Variants in XKR6 observed in about 807,000 individuals in gnomAD.
XKR6 encodes XK-related protein 6.
Under a neutral mutation model 56.7 loss-of-function variants are expected in XKR6, and 22 were observed. The observed-to-expected ratio is 0.39, with a 90% CI of 0.28 to 0.55. The LOEUF (loss-of-function observed/expected upper bound fraction) is 0.55. Among genes scored for constraint, XKR6 ranks in the 20% least tolerant of loss-of-function variants. The pLI, the probability that XKR6 is intolerant of heterozygous loss-of-function variation, is 0.66. For missense variants in XKR6, 852 were observed against 889.0 expected (o/e 0.96, Z 0.53); for synonymous variants, 524 against 387.8 (o/e 1.35, Z -4.13).
chr8:10,967,518 T>C (rs1236513045), intron 1 of XKR6, among the ~76,000 whole-genome samples: 1 of 152,146 alleles, frequency 6.6e-6, no homozygotes, highest in Non-Finnish European at 1.5e-5. Flanking sequence ...CAGGCAGCAC[T>C]GAGGCAGAGG....
At chr8:10,984,694 G>GTCTCTCTCTCTCTCTCTC (rs1563327997) in intron 1 of XKR6, among the ~76,000 whole-genome samples, 1 of 50,188 alleles carries the variant, frequency 2.0e-5, no homozygotes, top group Non-Finnish European at 4.3e-5. Context: ...TAAAATACAT[G>GTCTCTCTCTCTCTCTCTC]GCTCTCTCTC....
rs1260231733 is a variant in XKR6, at chr8:11,024,204, G to GGGGTGTGT, written c.765-99375_765-99374insACACACCC. Among the ~76,000 whole-genome samples the GGGGTGTGT allele has an allele frequency of 1.6e-3, 223 of 136,900 alleles. 4 individuals carry two copies. The highest frequency in any genetic ancestry group is 7.3e-3 in the Middle Eastern group (2 of 274). 89.8% of individuals were successfully genotyped at this position (136,900 alleles called of 152,430 possible). On this transcript the variant is annotated intron_variant, in intron 1 of 2. Transcript: ENST00000416569. The stretch of plus-strand genomic sequence containing the variant: ...GTTGCAGACAACATACCTGTTAGGA[G>GGGGTGTGT]GTGTGTGTGTGTGTGTGTGTGTGTG...
intron 1 of XKR6, among the ~76,000 whole-genome samples, chr8:10,974,011 G>C (rs1042032131): frequency 6.6e-6 from 1 of 152,180 alleles, no homozygotes; most frequent in Non-Finnish European, 1.5e-5. Flanking sequence ...AAAGTCCAGA[G>C]AGGCTAAGCC....
intron 1 of XKR6, among the ~76,000 whole-genome samples, chr8:10,932,311 T>C (rs1259562168): frequency 1.3e-5 from 2 of 152,216 alleles, no homozygotes; most frequent in Non-Finnish European, 2.9e-5. Flanking sequence ...TCTCATAAAG[T>C]TAAACATACT....
chr8:11,187,254 T>C (rs1803322270), intron 1 of XKR6, among the ~76,000 whole-genome samples: 1 of 152,188 alleles, frequency 6.6e-6, no homozygotes, highest in South Asian at 2.1e-4. Context: ...TGGACAAAAA[T>C]AGCTCCACTT....
chr8:10,918,861 A>T (rs1327677413), intron 2 of XKR6, among the ~76,000 whole-genome samples: 2 of 152,124 alleles, frequency 1.3e-5, no homozygotes, highest in African/African-American at 4.8e-5. Flanking sequence ...TCCAGAACAG[A>T]CCTCAAATCT....
chr8:10,996,318 C>A (rs1563335223), intron 1 of XKR6, among the ~76,000 whole-genome samples: 1 of 152,092 alleles, frequency 6.6e-6, no homozygotes, highest in African/African-American at 2.4e-5. Context: ...GGCGGGCCCT[C>A]TCCTCCTTGT....
At chr8:11,150,901 A>G (rs951693242) in intron 1 of XKR6, among the ~76,000 whole-genome samples, 1 of 150,058 alleles carries the variant, frequency 6.7e-6, no homozygotes, top group Non-Finnish European at 1.5e-5. Flanking sequence ...GAAATCAGTT[A>G]TTTTTTTCTC....
At chr8:10,906,451 A>G (rs1277986084) in intron 2 of XKR6, among the ~76,000 whole-genome samples, 2 of 152,232 alleles carry the variant, frequency 1.3e-5, no homozygotes, top group African/African-American at 2.4e-5. Flanking sequence ...TCAGAATTAA[A>G]TACCTTAGTG....
At chr8:11,067,444 C>T (rs1333232782) in intron 1 of XKR6, among the ~76,000 whole-genome samples, 1 of 152,218 alleles carries the variant, frequency 6.6e-6, no homozygotes, top group African/African-American at 2.4e-5. Flanking sequence ...TTGAACTGGA[C>T]CATCCCTGAG....
Position 11,038,497 on chromosome 8 carries a change from T to TTGTGTG in XKR6, c.765-113673_765-113668dup, listed in dbSNP as rs34388531. On this transcript the variant is annotated intron_variant, in intron 1 of 2. Coordinates refer to ENST00000416569, the MANE Select transcript of XKR6 (RefSeq NM_173683.4). ...ACTCAGATAAGTAATTGTAGTCATT[T>TTGTGTG]TGTGTGTGTGTGTGTGTGTGTGTGT... Among the ~76,000 whole-genome samples, 1,073 of 130,180 alleles carry TTGTGTG rather than the reference T, an allele frequency of 8.2e-3. 9 individuals carry two copies. Among genetic ancestry groups the TTGTGTG allele is most frequent in the East Asian group, 0.019 (76 of 4,102 alleles). 85.4% of individuals were successfully genotyped at this position (130,180 alleles called of 152,430 possible). A position where few individuals can be genotyped will look rare whatever the true frequency, so the allele number is the denominator to read the frequency against.
At chr8:11,075,359 T>C (rs997383830) in intron 1 of XKR6, among the ~76,000 whole-genome samples, 4 of 152,192 alleles carry the variant, frequency 2.6e-5, no homozygotes, top group African/African-American at 4.8e-5. Context: ...CTTCTGCCAA[T>C]GAAGCTCCTT....
chr8:11,164,674 A>G (rs1801982656), intron 1 of XKR6, among the ~76,000 whole-genome samples: 2 of 152,322 alleles, frequency 1.3e-5, no homozygotes, highest in South Asian at 2.1e-4. Context: ...ACATGCCACA[A>G]TAGAGAGGGT....
At chr8:11,148,032 A>G (rs1363492175) in intron 1 of XKR6, among the ~76,000 whole-genome samples, 1 of 152,062 alleles carries the variant, frequency 6.6e-6, no homozygotes, top group Admixed American at 6.5e-5. Flanking sequence ...CAACATGGTG[A>G]AACCCTATCT....
chr8:11,061,190 G>A (rs1020879055), intron 1 of XKR6, among the ~76,000 whole-genome samples: 1 of 152,218 alleles, frequency 6.6e-6, no homozygotes, highest in African/African-American at 2.4e-5. Flanking sequence ...TCGGCTGGGT[G>A]TGGTGGCTCA....
chr8:10,913,007 T>C (rs1007259051), intron 2 of XKR6, among the ~76,000 whole-genome samples: 1 of 148,758 alleles, frequency 6.7e-6, no homozygotes, highest in Non-Finnish European at 1.5e-5. Context: ...TATATATATA[T>C]ACAGAGAGAG....
intron 1 of XKR6, among the ~76,000 whole-genome samples, chr8:10,955,018 G>A (rs892421658): frequency 6.6e-6 from 1 of 151,938 alleles, no homozygotes; most frequent in Non-Finnish European, 1.5e-5. Flanking sequence ...ACAGGCATGT[G>A]CCACCATGCC....
In XKR6 at chr8:10,896,497, T is replaced by A. The variant is rs924509672; in HGVS notation, c.*1455A>T. On this transcript the variant is annotated 3_prime_UTR_variant, in exon 3 of 3. Coordinates refer to ENST00000416569, the MANE Select transcript of XKR6 (RefSeq NM_173683.4). ...GTTCGTCTTACATCAGTTTTGTATA[T>A]CTCTGGCAAGACTTTGCAGCAGGGA... is the stretch of plus-strand genomic sequence containing the variant. 1.3e-5 allele frequency: 2 copies of A among 152,540 alleles called. No homozygotes were observed. Among genetic ancestry groups the A allele is most frequent in the African/African-American group, 4.8e-5 (2 of 41,396 alleles). 9.4% of individuals were successfully genotyped at this position (152,540 alleles called of 1,614,324 possible).
intron 1 of XKR6, among the ~76,000 whole-genome samples, chr8:10,952,937 C>G (rs7004551): frequency 0.66 from 100,838 of 151,662 alleles, 36,265 homozygotes; most frequent in African/African-American, 0.92. Context: ...TCCCACAGGA[C>G]TGTAAACCCT....
Sources: gnomAD v4.1 joint callset for allele counts (sites outside exome capture counted in the v4.1 genomes callset) on GRCh38, gnomAD v4.1.1 for gene constraint, MANE v1.5 for transcripts, NCBI Gene and HGNC (gene_info 2026-07-23, HGNC 2026-07-21) for gene names.